TUSC3: variants seen among roughly 807,000 people sequenced by gnomAD.
TUSC3 encodes dolichyl-diphosphooligosaccharide--protein glycosyltransferase subunit TUSC3.
A neutral mutation model predicts 44.8 loss-of-function variants in TUSC3; 45 were observed. The observed-to-expected ratio is 1.00, with a 90% confidence interval of 0.79 to 1.29. The LOEUF is 1.29. Among genes scored for constraint, TUSC3 ranks in the 50% most tolerant of loss-of-function variants. The pLI is 0.00. For synonymous variants in TUSC3, 212 were observed against 152.9 expected (o/e 1.39, Z -2.85); for missense variants, 519 against 437.9 (o/e 1.19, Z -1.65).
chr8:15,742,215 T>C, intron 7 of TUSC3, among the ~76,000 whole-genome samples: 1 of 6,932 alleles, frequency 1.4e-4, no homozygotes, highest in East Asian at 5.5e-3. Flanking sequence ...TGCTAGTCTA[T>C]GGTATGTGTA....
intron 1 of TUSC3, chr8:15,561,491 ACAGAGG>A (rs1349102842): frequency 6.8e-6 from 1 of 146,690 alleles, no homozygotes; most frequent in Non-Finnish European, 1.5e-5. Flanking sequence ...GGTGGAGCCT[ACAGAGG>A]CAGGCAGGCC....
chr8:15,837,470 T>C, the TUSC3 span, among the ~76,000 whole-genome samples: 1 of 152,186 alleles, frequency 6.6e-6, no homozygotes, highest in Non-Finnish European at 1.5e-5. Context: ...CTTTTATTCT[T>C]TTAAATTCTT....
At chr8:15,770,270 A>T (rs1034361165), downstream of TUSC3, among the ~76,000 whole-genome samples, 1 of 152,178 alleles carries the variant, frequency 6.6e-6, no homozygotes, top group Admixed American at 6.5e-5. Context: ...AGGGACATGG[A>T]TGAAGCTGGA....
At chr8:15,615,189 C>A (rs896624151) in intron 1 of TUSC3, among the ~76,000 whole-genome samples, 1 of 152,106 alleles carries the variant, frequency 6.6e-6, no homozygotes, top group East Asian at 1.9e-4. Flanking sequence ...ATTCACAATA[C>A]CCCTGATGTG....
At chr8:15,744,958 C>T (rs1563201851) in intron 8 of TUSC3, among the ~76,000 whole-genome samples, 1 of 152,030 alleles carries the variant, frequency 6.6e-6, no homozygotes, top group Non-Finnish European at 1.5e-5. Flanking sequence ...TCACTCCATC[C>T]CCACTCTAGT....
the TUSC3 span, among the ~76,000 whole-genome samples, chr8:15,820,635 A>G: frequency 5.3e-5 from 8 of 152,128 alleles, no homozygotes; most frequent in Non-Finnish European, 8.8e-5. Flanking sequence ...TTATTTTACC[A>G]TGACATCACT....
the TUSC3 span, among the ~76,000 whole-genome samples, chr8:15,773,711 G>GGTACCAA: frequency 6.6e-6 from 1 of 152,070 alleles, no homozygotes; most frequent in Non-Finnish European, 1.5e-5. Context: ...ACAACTACCA[G>GGTACCAA]GTACCAAACA....
chr8:15,631,477 C>T (rs1304717097), intron 2 of TUSC3, among the ~76,000 whole-genome samples: 4 of 152,104 alleles, frequency 2.6e-5, no homozygotes, highest in Non-Finnish European at 5.9e-5. Flanking sequence ...GAAACTAGTA[C>T]AGTGGACACC....
At chr8:15,530,122 A>C (rs1801431215) in intron 2 of TUSC3, among the ~76,000 whole-genome samples, 1 of 151,980 alleles carries the variant, frequency 6.6e-6, no homozygotes, top group Non-Finnish European at 1.5e-5. Context: ...CATCATATAC[A>C]GTACCTGGAA....
At position 15,765,214 on chromosome 8, in the gene TUSC3, G is replaced by A. The variant is rs549277884; in HGVS notation, c.*1058G>A. The A allele has an allele frequency of 1.3e-5, 2 of 152,078 alleles. No individual in the cohort carries two copies. The highest frequency in any genetic ancestry group is 1.3e-4 in the Admixed American group (2 of 15,250). 9.4% of individuals were successfully genotyped at this position (152,078 alleles called of 1,614,324 possible). Reference sequence around the variant, plus strand: ...AAATGTAAATTTTATCTGACTCATAGAACTAATGGAAGCTGAAAGCCAAAA... The same window carrying A: ...AAATGTAAATTTTATCTGACTCATAAAACTAATGGAAGCTGAAAGCCAAAA... On this transcript the variant is annotated 3_prime_UTR_variant, in exon 11 of 11. Coordinates refer to ENST00000503731, the MANE Select transcript of TUSC3 (RefSeq NM_006765.4).
chr8:15,748,816 CATT>C (rs1379829879), intron 9 of TUSC3: 1 of 485,598 alleles, frequency 2.1e-6, no homozygotes, highest in Non-Finnish European at 4.1e-6. Flanking sequence ...ATTCACTGTT[CATT>C]GTCTAATAAA....
the TUSC3 span, among the ~76,000 whole-genome samples, chr8:15,850,047 C>T: frequency 6.6e-6 from 1 of 152,044 alleles, no homozygotes; most frequent in African/African-American, 2.4e-5. Context: ...TATTTCTACA[C>T]CTGCTATCTT....
At chr8:15,478,646 A>G (rs1285249286) in intron 1 of TUSC3, among the ~76,000 whole-genome samples, 1 of 152,140 alleles carries the variant, frequency 6.6e-6, no homozygotes, top group Non-Finnish European at 1.5e-5. Flanking sequence ...CATGATATAT[A>G]TATCCCTACC....
At chr8:15,681,882 C>T (rs894240031) in intron 6 of TUSC3, among the ~76,000 whole-genome samples, 2 of 151,984 alleles carry the variant, frequency 1.3e-5, no homozygotes, top group Admixed American at 6.6e-5. Context: ...TCATTTGATT[C>T]AAAGAATTTT....
At chr8:15,545,495 GT>G (rs1165685999) in intron 1 of TUSC3, among the ~76,000 whole-genome samples, 1 of 151,756 alleles carries the variant, frequency 6.6e-6, no homozygotes, top group Non-Finnish European at 1.5e-5. Context: ...CTTTGACTAT[GT>G]GCTATATGCA....
intron 1 of TUSC3, among the ~76,000 whole-genome samples, chr8:15,575,161 AT>A (rs35391028): frequency 2.6e-5 from 4 of 151,532 alleles, no homozygotes; most frequent in South Asian, 2.1e-4. Flanking sequence ...CGATAGATGT[AT>A]TTTTTTTGCA....
At chr8:15,596,178 A>T (rs1357359471) in intron 1 of TUSC3, among the ~76,000 whole-genome samples, 1 of 152,196 alleles carries the variant, frequency 6.6e-6, no homozygotes, top group Non-Finnish European at 1.5e-5. Context: ...GGGAACATAT[A>T]TCCATCTATA....
At chr8:15,837,150 G>A in the TUSC3 span, among the ~76,000 whole-genome samples, 2 of 152,058 alleles carry the variant, frequency 1.3e-5, no homozygotes, top group Non-Finnish European at 2.9e-5. Context: ...TAAATCTGAG[G>A]CTGAAGGTAA....
At chr8:15,773,203 C>A in the TUSC3 span, among the ~76,000 whole-genome samples, 2 of 152,222 alleles carry the variant, frequency 1.3e-5, no homozygotes, top group Admixed American at 1.3e-4. Flanking sequence ...CTTCCTTTCA[C>A]AGATGGCATG....
Sources: gnomAD v4.1 joint callset for allele counts (sites outside exome capture counted in the v4.1 genomes callset) on GRCh38, gnomAD v4.1.1 for gene constraint, MANE v1.5 for transcripts, NCBI Gene and HGNC (gene_info 2026-07-23, HGNC 2026-07-21) for gene names.